Variants in FHDC1 observed in about 807,000 individuals in gnomAD.
FHDC1 encodes the protein FH2 domain-containing protein 1.
A neutral mutation model predicts 52.6 loss-of-function variants in FHDC1; 25 were observed. That is an observed-to-expected ratio of 0.48 (90% confidence interval 0.35 to 0.66). The LOEUF (loss-of-function observed/expected upper bound fraction) is 0.66. Among genes scored for constraint, FHDC1 ranks in the 30% least tolerant of loss-of-function variants. The pLI is 0.01. For missense variants in FHDC1, 1,459 were observed against 1,452.8 expected, an observed-to-expected ratio of 1.00 and a Z score of -0.07; for synonymous variants, 616 against 581.5, an observed-to-expected ratio of 1.06 and a Z score of -0.85.
the FHDC1 span, among the ~76,000 whole-genome samples, chr4:152,929,503 G>A: frequency 2.0e-5 from 3 of 152,168 alleles, no homozygotes; most frequent in Admixed American, 1.3e-4. This position sits in a 1 kb window ranked among gnomAD's most constrained non-coding sequence, Gnocchi z 4.1. Context: ...TTTGCCCAAC[G>A]ACGCAGTTTC....
chr4:152,912,129 A>G, the FHDC1 span: 1 of 152,200 alleles, frequency 6.6e-6, no homozygotes, highest in East Asian at 1.9e-4. Context: ...CTAAGGAGCT[A>G]AATAGTTTCA....
At chr4:152,958,748 C>T (rs111552479) in intron 4 of FHDC1, among the ~76,000 whole-genome samples, 37 of 152,270 alleles carry the variant, frequency 2.4e-4, no homozygotes, top group African/African-American at 8.2e-4. Context: ...TAGAATTCAT[C>T]GTGTAGGTTT....
At chr4:152,912,557 G>A in the FHDC1 span, among the ~76,000 whole-genome samples, 1 of 152,118 alleles carries the variant, frequency 6.6e-6, no homozygotes, top group Admixed American at 6.5e-5. Flanking sequence ...TTTCAAGAAA[G>A]ACTGTGCCAA....
the FHDC1 span, among the ~76,000 whole-genome samples, chr4:152,913,728 C>T: frequency 6.6e-6 from 1 of 151,968 alleles, no homozygotes; most frequent in Non-Finnish European, 1.5e-5. Context: ...GCCCAGGCTG[C>T]GGTGCAATGG....
chr4:152,971,105 T>C (rs953126606), intron 10 of FHDC1, among the ~76,000 whole-genome samples: 7 of 152,318 alleles, frequency 4.6e-5, no homozygotes, highest in Admixed American at 1.3e-4. Context: ...CTCAGTGGCT[T>C]ACCCCTGTAA....
In FHDC1 at chr4:152,975,969, C is replaced by A. The variant is rs1457428079; in HGVS notation, c.2678C>A (p.Thr893Asn). 6.6e-7 allele frequency: 1 copy of A among 1,523,010 alleles called. No homozygotes were observed. Among genetic ancestry groups the A allele is most frequent in the Non-Finnish European group, 8.8e-7 (1 of 1,137,896 alleles). The allele number at this position is 1,523,010 out of a possible 1,614,324, so 94.3% of individuals were successfully genotyped here. Reference sequence around the variant, plus strand: ...GGGGCAGTGGCCAAGTCTGTGCGGACCCTGACCGCCTCAGAGAACGAGAGC... The same window carrying A: ...GGGGCAGTGGCCAAGTCTGTGCGGAACCTGACCGCCTCAGAGAACGAGAGC... ...SQGAVAKSVRTLTASENESMR... is the reference protein window; with the variant it reads ...SQGAVAKSVRNLTASENESMR... The change falls in exon 12 of 12, where the codon ACC becomes AAC. Residue 893 changes from threonine to asparagine, a missense_variant. Thr to Asn is a moderately conservative substitution (Grantham distance 65, BLOSUM62 0). Transcript: ENST00000511601.
rs775454602 is a variant in FHDC1, at chr4:152,960,545, C to T, written c.664-20C>T. Reference sequence around the variant, plus strand: ...TTCGTAAGTGATTTTATATACCCCCCCTTTCCATTTGTCTTTTAGGTAAAG... The same window carrying T: ...TTCGTAAGTGATTTTATATACCCCCTCTTTCCATTTGTCTTTTAGGTAAAG... On this transcript the variant is annotated intron_variant, in intron 4 of 11. Transcript: ENST00000511601. 3.1e-6 allele frequency: 5 copies of T among 1,595,418 alleles called. No individual in the cohort carries two copies. Among genetic ancestry groups the T allele is most frequent in the East Asian group, 2.2e-5 (1 of 44,780 alleles).
At position 152,964,919 on chromosome 4, in the gene FHDC1, A is replaced by G. The variant is rs1318090590; in HGVS notation, c.1044A>G (p.Lys348=). The G allele has an allele frequency of 6.2e-7, 1 of 1,612,022 alleles. No homozygotes were observed. The highest frequency in any genetic ancestry group is 1.3e-5 in the African/African-American group (1 of 74,866). ...TTTTGTTCCAGGAAGCCCAAAAGAAAGATACCATTCTTCTAAACTTTTCAG... is the reference window on the plus strand; with the variant it reads ...TTTTGTTCCAGGAAGCCCAAAAGAAGGATACCATTCTTCTAAACTTTTCAG... ...LHFVAQEAQK[K]DTILLNFSEK... Residue 348 remains lysine, a synonymous_variant, in exon 9 of 12, where the codon AAA becomes AAG. Coordinates refer to ENST00000511601, the MANE Select transcript of FHDC1 (RefSeq NM_001371116.1).
At position 152,968,013 on chromosome 4, in the gene FHDC1, C is replaced by T. The variant is rs1410605478; in HGVS notation, c.1134C>T (p.His378=). Reference sequence around the variant, plus strand: ...TGGAGAACACGGAGGCAGAACTGCACTTGCTGTTTGTCAGGACAAAATCAC... The same window carrying T: ...TGGAGAACACGGAGGCAGAACTGCATTTGCTGTTTGTCAGGACAAAATCAC... ...LSLENTEAEL[H]LLFVRTKSLK... is the part of the protein sequence containing the mutation. The change falls in exon 10 of 12, where the codon CAC becomes CAT. Residue 378 remains histidine (H), a synonymous_variant. Transcript: ENST00000511601. 2 of 1,613,750 alleles carry T rather than the reference C, an allele frequency of 1.2e-6. No homozygotes were observed. The highest frequency in any genetic ancestry group is 2.2e-5 in the East Asian group (1 of 44,872).
the FHDC1 span, among the ~76,000 whole-genome samples, chr4:152,926,320 C>T: frequency 6.7e-6 from 1 of 149,890 alleles, no homozygotes. Context: ...TACACACAAA[C>T]ACATCTTGGA....
intron 1 of FHDC1, among the ~76,000 whole-genome samples, chr4:152,936,953 C>G (rs950263454): frequency 6.6e-6 from 1 of 152,232 alleles, no homozygotes; most frequent in Non-Finnish European, 1.5e-5. Context: ...TGGTGCGGAC[C>G]GAGGACCAGG....
chr4:152,940,307 T>C (rs1739541146), intron 1 of FHDC1, among the ~76,000 whole-genome samples: 1 of 152,240 alleles, frequency 6.6e-6, no homozygotes, highest in Non-Finnish European at 1.5e-5. Flanking sequence ...TGGAAGAAAT[T>C]AATCAGACAG....
chr4:152,943,128 T>A lies in FHDC1; in HGVS notation c.71T>A (p.Phe24Tyr). 1 of 1,614,154 alleles carries A rather than the reference T, an allele frequency of 6.2e-7. No individual in the cohort carries two copies. Among genetic ancestry groups the A allele is most frequent in the South Asian group, 1.1e-5 (1 of 91,080 alleles). ...GGGAATATTGCCACAGCACCTGGAT[T>A]CATGATTGGGCAGACACCTCCTCCA... ...ENGNIATAPG[F>Y]MIGQTPPPAP... Residue 24 changes from phenylalanine (F) to tyrosine (Y), a missense_variant, in exon 2 of 12, where the codon TTC becomes TAC. Transcript: ENST00000511601.
At chr4:152,928,062 C>T in the FHDC1 span, 1 of 1,385,550 alleles carries the variant, frequency 7.2e-7, no homozygotes, top group Non-Finnish European at 1.0e-6. Flanking sequence ...CCCTCTGCTG[C>T]AGTCTGTATC....
Position 152,976,316 on chromosome 4 carries a change from G to A in FHDC1, c.3025G>A (p.Gly1009Ser), listed in dbSNP as rs1252640529. 1 of 1,613,558 alleles carries A rather than the reference G, an allele frequency of 6.2e-7. No individual in the cohort carries two copies. The highest frequency in any genetic ancestry group is 8.5e-7 in the Non-Finnish European group (1 of 1,179,988). Residue 1009 changes from glycine to serine, a missense_variant, in exon 12 of 12, where the codon GGC becomes AGC. Coordinates refer to ENST00000511601, the MANE Select transcript of FHDC1 (RefSeq NM_001371116.1). ...TAAGACCTGCCGCGCCCACTCCGAGGGCCCTGAGAGTCCCAAAGAAGAGCC... is the reference window on the plus strand; with the variant it reads ...TAAGACCTGCCGCGCCCACTCCGAGAGCCCTGAGAGTCCCAAAGAAGAGCC... ...ENKTCRAHSEGPESPKEEPKT... is the reference protein window; with the variant it reads ...ENKTCRAHSESPESPKEEPKT...
chr4:152,967,343 C>T (rs751083959), intron 9 of FHDC1, among the ~76,000 whole-genome samples: 17 of 152,122 alleles, frequency 1.1e-4, no homozygotes, highest in Non-Finnish European at 1.9e-4. Context: ...ATGAGAATTG[C>T]TTGAACCCAG....
chr4:152,956,123 A>C (rs1579091233), intron 4 of FHDC1, among the ~76,000 whole-genome samples: 1 of 152,248 alleles, frequency 6.6e-6, no homozygotes, highest in Non-Finnish European at 1.5e-5. Context: ...TTTTCTGTAA[A>C]GGATAGGAGT....
At chr4:152,967,544 G>A (rs1195177836) in intron 9 of FHDC1, among the ~76,000 whole-genome samples, 1 of 152,202 alleles carries the variant, frequency 6.6e-6, no homozygotes. Context: ...TTTTCTCACT[G>A]TTACCCTTAG....
At chr4:152,960,242 A>G (rs1740236327) in intron 4 of FHDC1, among the ~76,000 whole-genome samples, 1 of 152,168 alleles carries the variant, frequency 6.6e-6, no homozygotes, top group South Asian at 2.1e-4. Flanking sequence ...TTTCATCCTT[A>G]GAACTGATTC....
Sources: gnomAD v4.1 joint callset for allele counts (sites outside exome capture counted in the v4.1 genomes callset) on GRCh38, gnomAD v4.1.1 for gene constraint, Gnocchi (gnomAD v3.1) non-coding constraint, MANE v1.5 for transcripts, NCBI Gene and HGNC (gene_info 2026-07-23, HGNC 2026-07-21) for gene names.